Variants in SETD1B observed in about 807,000 individuals in gnomAD.
SETD1B encodes histone-lysine N-methyltransferase SETD1B.
SETD1B carries 7 observed loss-of-function variants against 148.0 expected under a neutral mutation model. The ratio of observed to expected loss-of-function variants is 0.05; its 90% CI spans 0.03 to 0.09. The LOEUF (loss-of-function observed/expected upper bound fraction) is 0.09, where lower values mean the gene tolerates loss of function less well. SETD1B is among the 10% of genes least tolerant of loss of function. SETD1B has a pLI of 1.00. For synonymous variants in SETD1B, 1,361 were observed against 1,186.5 expected (o/e 1.15, Z -3.02); for missense variants, 2,155 against 2,729.9 (o/e 0.79, Z 4.69).
Position 121,831,399 on chromosome 12 carries a change from T to G in SETD1B, c.*1160T>G, listed in dbSNP as rs901778351. On this transcript the variant is annotated 3_prime_UTR_variant, in exon 17 of 17. Coordinates refer to ENST00000604567, the MANE Select transcript of SETD1B (RefSeq NM_001353345.2). ...AAACACAAATCTAAGCCTTGACGGT[T>G]TTTTTTTCCCTTTTGACCCCCTTCC... 2 of 151,830 alleles carry G rather than the reference T, an allele frequency of 1.3e-5. No individual in the cohort carries two copies. Among genetic ancestry groups the G allele is most frequent in the Non-Finnish European group, 2.9e-5 (2 of 67,954 alleles). 9.4% of individuals were successfully genotyped at this position (151,830 alleles called of 1,614,324 possible).
rs1875874159 is a variant in SETD1B, at chr12:121,808,891, GA to G, written c.657+572del. On this transcript the variant is annotated intron_variant, in intron 5 of 16. Transcript: ENST00000604567. The surrounding 1 kb of genome is among the most constrained non-coding windows in gnomAD (Gnocchi z 5.3). ...TTTTTTGTTTTATTTATTTTTTTGA[GA>G]CAGAGTCTCAGTCTGTCCCCAGGCT... 6.6e-6 allele frequency among the ~76,000 whole-genome samples: 1 copy of G among 152,022 alleles called. No individual in the cohort carries two copies.
At chr12:121,812,163 G>A (rs1223394515) in intron 6 of SETD1B, among the ~76,000 whole-genome samples, 1 of 152,146 alleles carries the variant, frequency 6.6e-6, no homozygotes, top group Non-Finnish European at 1.5e-5. Flanking sequence ...GCTGGCGCCG[G>A]GGAATAGCGC....
the SETD1B span, chr12:121,797,587 C>T: frequency 2.2e-6 from 1 of 456,478 alleles, no homozygotes; most frequent in African/African-American, 2.0e-5. Flanking sequence ...CACCCAACAG[C>T]TCACTGATTG....
chr12:121,798,112 G>A, the SETD1B span, among the ~76,000 whole-genome samples: 2 of 152,244 alleles, frequency 1.3e-5, no homozygotes, highest in Non-Finnish European at 1.5e-5. Flanking sequence ...GCTGGGGTGA[G>A]GGGGTGCCAT....
At chr12:121,801,407 GC>G (rs1053998082), upstream of SETD1B, 1 of 152,280 alleles carries the variant, frequency 6.6e-6, no homozygotes, top group African/African-American at 2.4e-5. Context: ...GGTCCGAAGA[GC>G]CCTTCGTGTC....
chr12:121,822,306 C>T (rs1195724211), intron 11 of SETD1B, among the ~76,000 whole-genome samples, 184 bp from the exon 12 acceptor site: 1 of 152,150 alleles, frequency 6.6e-6, no homozygotes, highest in Non-Finnish European at 1.5e-5. Context: ...ATTGATAAAG[C>T]ACATACTGTG....
In SETD1B at chr12:121,810,032, A is replaced by G; in HGVS notation, c.1087A>G (p.Ser363Gly). 6.5e-7 allele frequency: 1 copy of G among 1,550,368 alleles called. No homozygotes were observed. The change falls in exon 6 of 17, where the codon AGC (serine) becomes GGC (glycine). Residue 363 changes from serine (S) to glycine (G), a missense_variant. By Grantham distance (56) the Ser-to-Gly change is moderately conservative. Transcript: ENST00000604567. This position sits in a 1 kb window ranked among gnomAD's most constrained non-coding sequence, Gnocchi z 7.6. ...CGGAGCAGTCGGCGGCACTGGGGGCAGCAGCGGTCCCCCGTTCAAGGCTCA... is the reference window on the plus strand; with the variant it reads ...CGGAGCAGTCGGCGGCACTGGGGGCGGCAGCGGTCCCCCGTTCAAGGCTCA... ...PFGAVGGTGG[S>G]SGPPFKAQPQ... is the part of the protein sequence containing the mutation.
chr12:121,814,403 T>G lies in SETD1B; in HGVS notation c.2188T>G (p.Leu730Val). 1.7e-6 allele frequency: 2 copies of G among 1,167,868 alleles called. No individual in the cohort carries two copies. The highest frequency in any genetic ancestry group is 2.2e-6 in the Non-Finnish European group (2 of 897,336). 72.3% of individuals were successfully genotyped at this position (1,167,868 alleles called of 1,614,324 possible). ...HPAVTVPPPP[L>V]PAPPGVPPPP... The stretch of plus-strand genomic sequence containing the variant: ...TGCTGTGACAGTGCCCCCACCACCC[T>G]TGCCAGCGCCGCCTGGAGTCCCGCC... Residue 730 changes from leucine to valine, a missense_variant, in exon 7 of 17, where the codon TTG (leucine) becomes GTG (valine). By Grantham distance (32) the Leu-to-Val change is conservative. Transcript: ENST00000604567.
chr12:121,827,654 A>G lies in SETD1B; in HGVS notation c.5469+4A>G. The G allele has an allele frequency of 6.4e-7, 1 of 1,551,532 alleles. No homozygotes were observed. Among genetic ancestry groups the G allele is most frequent in the Non-Finnish European group, 8.7e-7 (1 of 1,146,850 alleles). On this transcript the variant is annotated splice_donor_region_variant and intron_variant, in intron 14 of 16. Transcript: ENST00000604567. Reference sequence around the variant, plus strand: ...GCTCAAGTTCAACCAGCTCAAGGTGAGGCCGGGCTTCACCCAGATCGCCGG... The same window carrying G: ...GCTCAAGTTCAACCAGCTCAAGGTGGGGCCGGGCTTCACCCAGATCGCCGG...
chr12:121,817,419 C>T lies in SETD1B; in HGVS notation c.3027C>T (p.Leu1009=), dbSNP rs1193533550. Residue 1009 remains leucine (L), a synonymous_variant, in exon 9 of 17, where the codon CTC becomes CTT. Transcript: ENST00000604567. This position sits in a 1 kb window ranked among gnomAD's most constrained non-coding sequence, Gnocchi z 8.1. ...ATATGGCAGACACCCCCTGTGAGCT[C>T]GCCAAGCGGGACCCCAAGGGCGTGG... ...DRDMADTPCE[L]AKRDPKGVGV... is the part of the protein sequence containing the mutation. The T allele has an allele frequency of 2.6e-6, 4 of 1,537,586 alleles. No homozygotes were observed. The highest frequency in any genetic ancestry group is 3.5e-6 in the Non-Finnish European group (4 of 1,137,516).
At chr12:121,813,476 C>T (rs1043494573) in intron 6 of SETD1B, among the ~76,000 whole-genome samples, 16 of 152,224 alleles carry the variant, frequency 1.1e-4, no homozygotes, top group Admixed American at 9.8e-4. Context: ...CCGGCTCCAT[C>T]TCTTCTTGGC....
At chr12:121,816,506 G>T (rs1044224616) in intron 7 of SETD1B, among the ~76,000 whole-genome samples, 3 of 152,212 alleles carry the variant, frequency 2.0e-5, no homozygotes, top group Non-Finnish European at 4.4e-5. Context: ...TTCACAATTT[G>T]AATAAAAAGA....
the SETD1B span, among the ~76,000 whole-genome samples, chr12:121,794,929 T>C: frequency 6.6e-6 from 1 of 152,078 alleles, no homozygotes; most frequent in Non-Finnish European, 1.5e-5. Flanking sequence ...TTTCCTCAGA[T>C]AGGGGCTGGC....
chr12:121,823,444 C>T lies in SETD1B; in HGVS notation c.4865C>T (p.Pro1622Leu). The change falls in exon 12 of 17, where the codon CCC (proline) becomes CTC (leucine). Residue 1622 changes from proline (P) to leucine (L), a missense_variant. Around this residue, in one of 11 missense-constraint regions of SETD1B, gnomAD observed 862 missense variants for 873.8 expected, o/e 0.99. Transcript: ENST00000604567. ...QWPSEAIPPGPRGRDEVTEEY... is the reference protein window; with the variant it reads ...QWPSEAIPPGLRGRDEVTEEY... The stretch of plus-strand genomic sequence containing the variant: ...CCCTCCGAGGCCATTCCTCCGGGCC[C>T]CCGTGGGCGCGATGAGGTCACTGAG... The T allele has an allele frequency of 6.5e-7, 1 of 1,549,688 alleles. No individual in the cohort carries two copies. Among genetic ancestry groups the T allele is most frequent in the South Asian group, 1.2e-5 (1 of 84,030 alleles).
At chr12:121,793,589 C>G in the SETD1B span, 5 of 1,552,772 alleles carry the variant, frequency 3.2e-6, no homozygotes, top group Non-Finnish European at 4.3e-6. Context: ...CCTTCCTGCC[C>G]GGACCGGGGG....
chr12:121,793,669 G>A, the SETD1B span: 2 of 1,491,114 alleles, frequency 1.3e-6, no homozygotes, highest in Non-Finnish European at 1.8e-6. Flanking sequence ...CGGCGCGCCG[G>A]GCACTAGCGG....
rs1362008994 is a variant in SETD1B, at chr12:121,823,160, A to T, written c.4581A>T (p.Pro1527=). The T allele has an allele frequency of 7.6e-7, 1 of 1,320,252 alleles. No individual in the cohort carries two copies. Among genetic ancestry groups the T allele is most frequent in the East Asian group, 4.4e-5 (1 of 22,700 alleles). The allele number at this position is 1,320,252 out of a possible 1,614,324, so 81.8% of individuals were successfully genotyped here. ...RKPGRPRRSP[P]SMLSLDGPLV... is the part of the protein sequence containing the mutation. Reference sequence around the variant, plus strand: ...CGGGCCGGCCCCGGCGATCCCCACCATCTATGCTCTCCTTGGATGGGCCCT... The same window carrying T: ...CGGGCCGGCCCCGGCGATCCCCACCTTCTATGCTCTCCTTGGATGGGCCCT... The change falls in exon 12 of 17, where the codon CCA becomes CCT. Residue 1527 remains proline, a synonymous_variant. Coordinates refer to ENST00000604567, the MANE Select transcript of SETD1B (RefSeq NM_001353345.2).
In SETD1B at chr12:121,827,800, G is replaced by A. The variant is rs948173657; in HGVS notation, c.5535G>A (p.Glu1845=). The change falls in exon 15 of 17, where the codon GAG becomes GAA. Residue 1845 remains glutamate, a synonymous_variant. Transcript: ENST00000604567. ...ACGACTGGGGCTTGTTCGCCATGGAGCCCATCGCGGCTGACGAGATGGTCA... is the reference window on the plus strand; with the variant it reads ...ACGACTGGGGCTTGTTCGCCATGGAACCCATCGCGGCTGACGAGATGGTCA... The part of the protein sequence containing the change: ...HIHDWGLFAM[E]PIAADEMVIE... 6.4e-7 allele frequency: 1 copy of A among 1,558,492 alleles called. No individual in the cohort carries two copies. The highest frequency in any genetic ancestry group is 8.7e-7 in the Non-Finnish European group (1 of 1,150,362).
rs1256110894 is a variant in SETD1B at position 121,830,242 on chromosome 12, C to T, written c.*3C>T. The T allele has an allele frequency of 6.5e-7, 1 of 1,549,324 alleles. No individual in the cohort carries two copies. The highest frequency in any genetic ancestry group is 1.4e-5 in the African/African-American group (1 of 72,988). ...ACTGCCGGGGGACCCTCAACTAGGCCCCGGCACCAGACTCAAAGGATGTCA... is the reference window on the plus strand; with the variant it reads ...ACTGCCGGGGGACCCTCAACTAGGCTCCGGCACCAGACTCAAAGGATGTCA... On this transcript the variant is annotated 3_prime_UTR_variant, in exon 17 of 17. Coordinates refer to ENST00000604567, the MANE Select transcript of SETD1B (RefSeq NM_001353345.2). This position sits in a 1 kb window ranked among gnomAD's most constrained non-coding sequence, Gnocchi z 5.7.
Sources: allele counts gnomAD v4.1 joint callset (sites outside exome capture counted in the v4.1 genomes callset), GRCh38; gene constraint gnomAD v4.1.1; regional missense constraint gnomAD v4.1.1; non-coding constraint Gnocchi (gnomAD v3.1); transcripts MANE v1.5; gene names NCBI Gene and HGNC (gene_info 2026-07-23, HGNC 2026-07-21).